SMIM13: variants seen among roughly 807,000 people sequenced by gnomAD.
The protein encoded by SMIM13 is UPF0766 protein C6orf228.
In SMIM13, 3 loss-of-function variants were observed where a neutral mutation model predicts 5.9. That is an observed-to-expected ratio of 0.51 (90% CI 0.23 to 1.31). SMIM13 has a LOEUF of 1.31. Ranked by LOEUF, SMIM13 falls within the 40% of genes most tolerant of loss-of-function variation. SMIM13 has a pLI of 0.18. For synonymous variants in SMIM13, 55 were observed against 46.0 expected (o/e 1.19, Z -0.79); for missense variants, 85 against 109.9 (o/e 0.77, Z 1.01).
At chr6:11,099,186 T>G (rs990968826) in intron 1 of SMIM13, among the ~76,000 whole-genome samples, 9 of 152,196 alleles carry the variant, frequency 5.9e-5, no homozygotes, top group African/African-American at 2.2e-4. Context: ...ATCAGACTTT[T>G]TTTTTTTGAG....
chr6:11,103,204 C>T (rs770584133), intron 1 of SMIM13: 2 of 157,014 alleles, frequency 1.3e-5, no homozygotes, highest in Non-Finnish European at 2.8e-5. Context: ...TATTTTGCCT[C>T]TTAGGGTGCA....
Position 11,134,485 on chromosome 6 carries a change from A to G in SMIM13, c.159A>G (p.Gly53=). 1.3e-6 allele frequency: 2 copies of G among 1,551,274 alleles called. No homozygotes were observed. The highest frequency in any genetic ancestry group is 2.4e-5 in the South Asian group (2 of 84,046). Residue 53 remains glycine (G), a synonymous_variant, in exon 2 of 2, where the codon GGA becomes GGG. Coordinates refer to ENST00000416247, the MANE Select transcript of SMIM13 (RefSeq NM_001135575.2). ...ELVGDTGSQE[G]DHEPSGSETE... ...TGGGAGACACAGGATCCCAAGAGGG[A>G]GATCATGAGCCTTCAGGGTCTGAAA... is the stretch of plus-strand genomic sequence containing the variant.
chr6:11,094,430 G>A (rs1202417981), intron 1 of SMIM13, 41 bp downstream of exon 1: 2 of 1,477,052 alleles, frequency 1.4e-6, no homozygotes, highest in South Asian at 1.2e-5. Context: ...CCACACGCCG[G>A]GTCGCTGATC....
At chr6:11,106,167 C>A (rs1158436760) in intron 1 of SMIM13, among the ~76,000 whole-genome samples, 1 of 152,200 alleles carries the variant, frequency 6.6e-6, no homozygotes, top group Non-Finnish European at 1.5e-5. Flanking sequence ...GTTGGCTGAA[C>A]TGAGGAATGA....
At chr6:11,125,616 AAAC>A (rs546616701) in intron 1 of SMIM13, among the ~76,000 whole-genome samples, 14 of 152,186 alleles carry the variant, frequency 9.2e-5, no homozygotes, top group South Asian at 2.1e-4. Context: ...ACAAAAGACA[AAAC>A]AACAACAACA....
rs944338752 is a variant in SMIM13, at chr6:11,094,207, G to A, written c.-107G>A. The A allele has an allele frequency of 2.3e-5, 9 of 386,620 alleles. No homozygotes were observed. The Admixed American group carries it at 4.5e-4, about 19-fold the overall frequency. 23.9% of individuals were successfully genotyped at this position (386,620 alleles called of 1,614,324 possible). On this transcript the variant is annotated 5_prime_UTR_variant, in exon 1 of 2. Coordinates refer to ENST00000416247, the MANE Select transcript of SMIM13 (RefSeq NM_001135575.2). ...CGCCAGCCGCCCATGCCGCCCCGGC[G>A]CCCAGCCGCGCCTGGCGCCCGCCGC...
At chr6:11,122,498 C>T (rs1160165851) in intron 1 of SMIM13, among the ~76,000 whole-genome samples, 1 of 152,016 alleles carries the variant, frequency 6.6e-6, no homozygotes, top group Non-Finnish European at 1.5e-5. Flanking sequence ...AGGCCTGTGA[C>T]CTTTTTGCAG....
chr6:11,115,993 C>T (rs531594219), intron 1 of SMIM13, among the ~76,000 whole-genome samples: 1 of 143,620 alleles, frequency 7.0e-6, no homozygotes, highest in Non-Finnish European at 1.5e-5. Context: ...TGCCGGCCGG[C>T]CTTCCTTCCT....
chr6:11,114,885 C>T (rs1418549494), intron 1 of SMIM13, among the ~76,000 whole-genome samples: 2 of 152,098 alleles, frequency 1.3e-5, no homozygotes, highest in Non-Finnish European at 2.9e-5. Flanking sequence ...TAGGCATGAG[C>T]CACCACGCCC....
At chr6:11,104,720 T>C (rs1326841640) in intron 1 of SMIM13, 1 of 1,614,238 alleles carries the variant, frequency 6.2e-7, no homozygotes, top group African/African-American at 1.3e-5. Flanking sequence ...TGCATGAGCT[T>C]GGGCGTCCCT....
intron 1 of SMIM13, among the ~76,000 whole-genome samples, chr6:11,128,224 A>G (rs147773204): frequency 1.3e-5 from 2 of 152,160 alleles, no homozygotes; most frequent in South Asian, 2.1e-4. Context: ...AGGGCTGTCT[A>G]CTAAGCAGGC....
chr6:11,124,478 G>C (rs766598149), intron 1 of SMIM13, among the ~76,000 whole-genome samples: 1 of 152,170 alleles, frequency 6.6e-6, no homozygotes, highest in Non-Finnish European at 1.5e-5. Context: ...TATCTCTTCA[G>C]TATATCGATT....
intron 1 of SMIM13, among the ~76,000 whole-genome samples, chr6:11,098,928 A>G (rs1757958026): frequency 6.6e-6 from 1 of 152,178 alleles, no homozygotes; most frequent in Non-Finnish European, 1.5e-5. Flanking sequence ...TAATACATCT[A>G]TTTACTTATC....
chr6:11,118,082 G>A (rs1302433067), intron 1 of SMIM13, among the ~76,000 whole-genome samples: 2 of 152,192 alleles, frequency 1.3e-5, no homozygotes, highest in African/African-American at 4.8e-5. Flanking sequence ...TGTTGGCTAG[G>A]CTGGTCTCGA....
chr6:11,120,631 A>G (rs1021876636), intron 1 of SMIM13, among the ~76,000 whole-genome samples: 2 of 152,210 alleles, frequency 1.3e-5, no homozygotes, highest in Admixed American at 6.5e-5. Flanking sequence ...GCAAAATCGT[A>G]TTCTCATTCT....
At chr6:11,121,787 A>G (rs1758313331) in intron 1 of SMIM13, among the ~76,000 whole-genome samples, 1 of 152,222 alleles carries the variant, frequency 6.6e-6, no homozygotes, top group East Asian at 1.9e-4. Flanking sequence ...GGAGCAAGAT[A>G]CAGTCATTCT....
chr6:11,100,262 G>T (rs112405265), intron 1 of SMIM13, among the ~76,000 whole-genome samples: 3 of 151,866 alleles, frequency 2.0e-5, no homozygotes, highest in African/African-American at 7.3e-5. Context: ...AGGTTTCACC[G>T]TGTTAGCCAG....
rs1355787817 is a variant in SMIM13 at position 11,137,162 on chromosome 6, CT to C, written c.*2561del. The C allele has an allele frequency of 6.6e-6, 1 of 152,086 alleles. No homozygotes were observed. The allele number at this position is 152,086 out of a possible 1,614,324, so 9.4% of individuals were successfully genotyped here. ...ATTTTATGTAATTTTAAGAAATACT[CT>C]ATTTAACTTGTGAAATATACCTAAA... On this transcript the variant is annotated 3_prime_UTR_variant, in exon 2 of 2. Coordinates refer to ENST00000416247, the MANE Select transcript of SMIM13 (RefSeq NM_001135575.2).
intron 1 of SMIM13, among the ~76,000 whole-genome samples, chr6:11,122,434 A>G (rs1412604506): frequency 1.3e-5 from 2 of 152,164 alleles, no homozygotes; most frequent in Non-Finnish European, 2.9e-5. Context: ...TCCGACTTTG[A>G]GTGGTTCCTC....
Sources: gnomAD v4.1 joint callset for allele counts (sites outside exome capture counted in the v4.1 genomes callset) on GRCh38, gnomAD v4.1.1 for gene constraint, MANE v1.5 for transcripts, NCBI Gene and HGNC (gene_info 2026-07-23, HGNC 2026-07-21) for gene names.